Variants in KRT26 observed in about 807,000 individuals in gnomAD.
KRT26 encodes the protein keratin, type I cytoskeletal 26.
A neutral mutation model predicts 46.1 loss-of-function variants in KRT26; 45 were observed. That is an observed-to-expected ratio of 0.98 (90% CI 0.77 to 1.25). KRT26 has a LOEUF of 1.25. Ranked by LOEUF, KRT26 falls within the 50% of genes most tolerant of loss-of-function variation. KRT26 has a pLI of 0.00. For missense variants in KRT26, 582 were observed against 560.1 expected (o/e 1.04, Z -0.39); for synonymous variants, 191 against 209.9 (o/e 0.91, Z 0.78).
At chr17:40,766,585 G>A in exon 8 of KRT26, 1 of 1,613,130 alleles carries the variant, frequency 6.2e-7, no homozygotes, top group Non-Finnish European at 8.5e-7. Flanking sequence ...TTCTTCAACT[G>A]AGTGGACTCT....
At chr17:40,770,539 C>G (rs1443990642) in intron 2 of KRT26, 130 bp from the exon 3 acceptor site, 1 of 646,978 alleles carries the variant, frequency 1.5e-6, no homozygotes, top group East Asian at 2.8e-5. Flanking sequence ...CAATGGCAAA[C>G]TGCTAAAATG....
chr17:40,770,209 A>C, intron 3 of KRT26, 44 bp downstream of exon 3: 1 of 1,613,796 alleles, frequency 6.2e-7, no homozygotes, highest in Non-Finnish European at 8.5e-7. Context: ...GACTTCAAGA[A>C]GGAAATTAGA....
exon 6 of KRT26, chr17:40,769,038 T>C: frequency 2.5e-6 from 4 of 1,614,146 alleles, no homozygotes; most frequent in Non-Finnish European, 3.4e-6. Context: ...CTGAATTTGC[T>C]GGAGTTGATT....
exon 1 of KRT26, chr17:40,772,130 G>T (rs1313331690): frequency 7.5e-6 from 12 of 1,608,944 alleles, no homozygotes; most frequent in Non-Finnish European, 1.0e-5. Flanking sequence ...AGCACAGCCG[G>T]GCAACCCCTT....
chr17:40,768,766 A>G, intron 6 of KRT26, 113 bp downstream of exon 6: 3 of 592,530 alleles, frequency 5.1e-6, no homozygotes, highest in South Asian at 2.4e-5. Flanking sequence ...CTGAGGATAA[A>G]TATGTATGAT....
intron 7 of KRT26, among the ~76,000 whole-genome samples, chr17:40,767,170 T>C (rs2038178919): frequency 6.6e-6 from 1 of 152,234 alleles, no homozygotes; most frequent in Non-Finnish European, 1.5e-5. Context: ...TTTAGAGCAA[T>C]GGGCATTTGA....
chr17:40,769,900 G>C, intron 4 of KRT26, 21 bp from the exon 5 acceptor site: 8 of 1,614,146 alleles, frequency 5.0e-6, no homozygotes, highest in Non-Finnish European at 6.8e-6. Flanking sequence ...ATTGTCGAAA[G>C]GGTTAGTGAC....
exon 5 of KRT26, chr17:40,769,755 A>G: frequency 6.2e-7 from 1 of 1,614,164 alleles, no homozygotes; most frequent in South Asian, 1.1e-5. Context: ...CCTACGTACC[A>G]CAGCCATGAG....
chr17:40,767,771 T>A (rs1486840748), intron 6 of KRT26, 118 bp from the exon 7 acceptor site: 1 of 569,928 alleles, frequency 1.8e-6, no homozygotes, highest in African/African-American at 1.9e-5. Flanking sequence ...TCAAATTCCT[T>A]ATATATTTAA....
At chr17:40,771,707 C>T (rs779192783) in exon 1 of KRT26, 7 of 1,614,140 alleles carry the variant, frequency 4.3e-6, no homozygotes, top group Non-Finnish European at 5.1e-6. Flanking sequence ...TGAGAAGTAT[C>T]TGCTATAGTC....
exon 6 of KRT26, chr17:40,768,887 T>C: frequency 1.3e-6 from 2 of 1,498,602 alleles, no homozygotes; most frequent in South Asian, 2.4e-5. Context: ...ACCTTTCTTC[T>C]CCATCTAGTA....
At chr17:40,768,755 C>T in intron 6 of KRT26, 124 bp downstream of exon 6, 2 of 565,608 alleles carry the variant, frequency 3.5e-6, no homozygotes, top group East Asian at 2.9e-5. Flanking sequence ...AATATACATT[C>T]CTGAGGATAA....
exon 6 of KRT26, chr17:40,768,943 C>T: frequency 6.2e-7 from 1 of 1,605,034 alleles, no homozygotes; most frequent in Non-Finnish European, 8.5e-7. Flanking sequence ...ATTTTTACAT[C>T]AAGAAGCTGT....
exon 1 of KRT26, chr17:40,771,881 A>G: frequency 6.2e-7 from 1 of 1,614,138 alleles, no homozygotes. Flanking sequence ...CCCAGAGAGG[A>G]GGCTGTGCTC....
intron 7 of KRT26, 43 bp downstream of exon 7, chr17:40,767,543 G>T: frequency 8.9e-7 from 1 of 1,123,214 alleles, no homozygotes; most frequent in Non-Finnish European, 1.3e-6. Flanking sequence ...CACAATTGAT[G>T]GAGTTTAAGG....
At chr17:40,770,951 C>T (rs574011330) in intron 2 of KRT26, among the ~76,000 whole-genome samples, 2 of 152,328 alleles carry the variant, frequency 1.3e-5, no homozygotes, top group South Asian at 4.1e-4. Flanking sequence ...CTCAGCCTCC[C>T]AAGGTGCTGG....
chr17:40,770,280 C>G (rs1470745155), exon 3 of KRT26: 2 of 1,613,998 alleles, frequency 1.2e-6, no homozygotes, highest in East Asian at 2.2e-5. Flanking sequence ...TGAGGTAGGT[C>G]AATTCCTCAC....
At chr17:40,767,944 C>A (rs1360606253) in intron 6 of KRT26, among the ~76,000 whole-genome samples, 1 of 152,118 alleles carries the variant, frequency 6.6e-6, no homozygotes, top group Non-Finnish European at 1.5e-5. Flanking sequence ...GTTTGGAGTG[C>A]CTACCATGAA....
At position 40,770,282 on chromosome 17, in the gene KRT26, A is replaced by G. The variant is rs200511150; in HGVS notation, c.652T>C (p.Leu218=). ...TCATGACTTTTTTTGAGGTAGGTCA[A>G]TTCCTCACTGAGGGTCTCACACTGT... The change falls in exon 3 of 8, where the codon TTG becomes CTG. Residue 218 remains leucine, a synonymous_variant. Coordinates refer to ENST00000335552, the Ensembl canonical transcript of KRT26. 1.2e-4 allele frequency: 190 copies of G among 1,614,152 alleles called. No homozygotes were observed. In the South Asian group the frequency reaches 1.8e-3, roughly 15 times the overall value.
Sources: allele counts gnomAD v4.1 joint callset (sites outside exome capture counted in the v4.1 genomes callset), GRCh38; gene constraint gnomAD v4.1.1; transcripts MANE v1.5; gene names NCBI Gene and HGNC (gene_info 2026-07-23, HGNC 2026-07-21).